Variants in ATL2 observed in about 807,000 individuals in gnomAD.
ATL2 encodes atlastin GTPase 2.
ATL2 carries 31 observed loss-of-function variants against 73.9 expected under a neutral mutation model. The observed-to-expected ratio is 0.42, with a 90% CI of 0.32 to 0.57. The LOEUF (loss-of-function observed/expected upper bound fraction) is 0.57, where lower values mean the gene tolerates loss of function less well. ATL2 is among the 20% of genes least tolerant of loss of function. The pLI is 0.14. For synonymous variants in ATL2, 291 were observed against 237.5 expected (o/e 1.23, Z -2.07); for missense variants, 738 against 702.6 (o/e 1.05, Z -0.57).
At chr2:38,351,916 A>G (rs1670370000) in intron 1 of ATL2, among the ~76,000 whole-genome samples, 1 of 151,898 alleles carries the variant, frequency 6.6e-6, no homozygotes, top group Admixed American at 6.6e-5. Context: ...GTTTGAGACC[A>G]GCCTGGCCAA....
intron 1 of ATL2, among the ~76,000 whole-genome samples, chr2:38,358,059 G>A (rs1459810804): frequency 1.3e-5 from 2 of 152,236 alleles, no homozygotes; most frequent in Middle Eastern, 3.4e-3. Context: ...CAATAAAACT[G>A]GGATTGAGCT....
chr2:38,324,681 A>G (rs924563907), intron 2 of ATL2, among the ~76,000 whole-genome samples: 3 of 152,204 alleles, frequency 2.0e-5, no homozygotes. Flanking sequence ...AACTCTAACT[A>G]CTTAGGTACA....
At chr2:38,342,345 A>C (rs571606077) in intron 2 of ATL2, among the ~76,000 whole-genome samples, 1 of 152,220 alleles carries the variant, frequency 6.6e-6, no homozygotes, top group Admixed American at 6.5e-5. Context: ...AACTAAAGTA[A>C]TATCAATAAA....
intron 1 of ATL2, among the ~76,000 whole-genome samples, chr2:38,367,399 C>T (rs541177355): frequency 7.9e-5 from 12 of 151,174 alleles, no homozygotes; most frequent in African/African-American, 2.4e-4. Context: ...GTCAGGAGAT[C>T]GAGAACATCC....
intron 6 of ATL2, 131 bp from the exon 7 acceptor site, chr2:38,313,374 G>C: frequency 1.6e-6 from 1 of 627,220 alleles, no homozygotes; most frequent in Non-Finnish European, 2.7e-6. Flanking sequence ...GTAACTAAAT[G>C]GTCAGTACTG....
At chr2:38,339,165 G>A (rs1375494560) in intron 2 of ATL2, among the ~76,000 whole-genome samples, 3 of 152,092 alleles carry the variant, frequency 2.0e-5, no homozygotes, top group Admixed American at 6.6e-5. Context: ...GCAGTGAGCC[G>A]AGACTGCGCT....
intron 2 of ATL2, among the ~76,000 whole-genome samples, chr2:38,335,902 T>C (rs1364164795): frequency 1.3e-5 from 2 of 152,046 alleles, no homozygotes; most frequent in African/African-American, 4.8e-5. Flanking sequence ...TAGCAGGGCA[T>C]GGTGGCGGGA....
intron 1 of ATL2, chr2:38,376,271 G>A (rs569877021): frequency 3.6e-6 from 5 of 1,392,502 alleles, no homozygotes; most frequent in South Asian, 3.3e-5. Context: ...TTATGAGTGA[G>A]AGGGATACAC....
chr2:38,298,355 G>A lies in ATL2; in HGVS notation c.1421C>T (p.Thr474Ile), dbSNP rs766197379. 6.2e-7 allele frequency: 1 copy of A among 1,614,170 alleles called. No individual in the cohort carries two copies. Among genetic ancestry groups the A allele is most frequent in the Non-Finnish European group, 8.5e-7 (1 of 1,180,012 alleles). Reference protein sequence around the residue: ...DGKNIFYAARTPATLFAVMFA... With the variant: ...DGKNIFYAARIPATLFAVMFA... ...CATGACCGCAAACAGTGTGGCTGGGGTACGAGCAGCATAGAAGATATTTTT... is the reference window on the plus strand; with the variant it reads ...CATGACCGCAAACAGTGTGGCTGGGATACGAGCAGCATAGAAGATATTTTT... Residue 474 changes from threonine to isoleucine, a missense_variant, in exon 12 of 13, where the codon ACC (threonine) becomes ATC (isoleucine). By Grantham distance (89) the Thr-to-Ile change is moderately conservative (BLOSUM62 -1). Transcript: ENST00000378954.
At chr2:38,371,869 C>G (rs1391396572) in intron 1 of ATL2, among the ~76,000 whole-genome samples, 1 of 152,134 alleles carries the variant, frequency 6.6e-6, no homozygotes, top group Non-Finnish European at 1.5e-5. Flanking sequence ...TGTACTCCAG[C>G]CTGGGTGACA....
intron 1 of ATL2, among the ~76,000 whole-genome samples, chr2:38,350,715 C>T (rs1670289461): frequency 1.3e-5 from 2 of 151,846 alleles, no homozygotes; most frequent in East Asian, 1.9e-4. Flanking sequence ...GCAGGGAGTA[C>T]GTGAACTACA....
At chr2:38,376,044 T>TA in intron 1 of ATL2, 2 of 1,376,762 alleles carry the variant, frequency 1.5e-6, no homozygotes, top group Non-Finnish European at 9.5e-7. Context: ...TTACACACCG[T>TA]AAAAAAAGAA....
Position 38,329,423 on chromosome 2 carries a change from C to CAAAAAAAAAAAAAAA in ATL2, c.364-10419_364-10405dup, listed in dbSNP as rs70954711. On this transcript the variant is annotated intron_variant, in intron 2 of 12. Coordinates refer to ENST00000378954, the MANE Select transcript of ATL2 (RefSeq NM_001135673.4). ...AGGAGACAGAGCAAGACTCCATCTC[C>CAAAAAAAAAAAAAAA]AAAAAAAAAAAAAAAAAAAAAAAAA... Among the ~76,000 whole-genome samples the CAAAAAAAAAAAAAAA allele has an allele frequency of 4.7e-3, 64 of 13,670 alleles. 3 individuals carry two copies. Among genetic ancestry groups the CAAAAAAAAAAAAAAA allele is most frequent in the Non-Finnish European group, 7.0e-3 (45 of 6,408 alleles). The allele number at this position is 13,670 out of a possible 152,430, so 9.0% of individuals were successfully genotyped here.
chr2:38,298,699 C>T (rs532963838), intron 11 of ATL2, 124 bp from the exon 12 acceptor site: 2 of 917,976 alleles, frequency 2.2e-6, no homozygotes, highest in South Asian at 1.7e-5. Flanking sequence ...TTTAAACTCA[C>T]TTACAATACC....
chr2:38,373,746 T>G (rs1671813321), intron 1 of ATL2, among the ~76,000 whole-genome samples: 1 of 152,262 alleles, frequency 6.6e-6, no homozygotes, highest in African/African-American at 2.4e-5. Context: ...ATTTTGGCTT[T>G]GCACTTCTGA....
chr2:38,308,133 A>G (rs1042035926), intron 9 of ATL2, among the ~76,000 whole-genome samples: 4 of 152,212 alleles, frequency 2.6e-5, no homozygotes, highest in Admixed American at 2.6e-4. Context: ...AAATCAGTAT[A>G]TAGAAGATAC....
At chr2:38,318,488 C>T in intron 4 of ATL2, 47 bp downstream of exon 4, 1 of 1,388,026 alleles carries the variant, frequency 7.2e-7, no homozygotes, top group Non-Finnish European at 9.8e-7. Flanking sequence ...AAAAAAGGGG[C>T]CAAATGATTA....
intron 2 of ATL2, among the ~76,000 whole-genome samples, chr2:38,330,960 A>C (rs1668952726): frequency 6.6e-6 from 1 of 152,216 alleles, no homozygotes; most frequent in Non-Finnish European, 1.5e-5. Context: ...TCCTCACTTC[A>C]AAATTTACTA....
chr2:38,297,768 A>G (rs956718155), intron 12 of ATL2, among the ~76,000 whole-genome samples: 4 of 152,030 alleles, frequency 2.6e-5, no homozygotes, highest in African/African-American at 9.7e-5. Flanking sequence ...TTAGGAAGAA[A>G]CTTCTTTTGC....
Sources: allele counts gnomAD v4.1 joint callset (sites outside exome capture counted in the v4.1 genomes callset), GRCh38; gene constraint gnomAD v4.1.1; transcripts MANE v1.5; gene names NCBI Gene and HGNC (gene_info 2026-07-23, HGNC 2026-07-21).